ZEB1: variants seen among roughly 807,000 people sequenced by gnomAD.
The protein encoded by ZEB1 is zinc finger E-box-binding homeobox 1.
ZEB1 carries 21 observed loss-of-function variants against 84.9 expected under a neutral mutation model. The observed-to-expected ratio is 0.25, with a 90% CI of 0.18 to 0.36. The LOEUF is 0.36. Among genes scored for constraint, ZEB1 ranks in the 10% least tolerant of loss-of-function variants. ZEB1 has a pLI of 1.00. For synonymous variants in ZEB1, 420 were observed against 471.1 expected (o/e 0.89, Z 1.41); for missense variants, 1,104 against 1,330.2 (o/e 0.83, Z 2.65).
At chr10:31,367,404 GGTA>G (rs2134318719) in intron 1 of ZEB1, among the ~76,000 whole-genome samples, 1 of 152,238 alleles carries the variant, frequency 6.6e-6, no homozygotes, top group South Asian at 2.1e-4. Flanking sequence ...TGAAGGTGGT[GGTA>G]GTAGTGATAA....
At chr10:31,339,413 G>C (rs1275483120) in intron 1 of ZEB1, among the ~76,000 whole-genome samples, 3 of 152,104 alleles carry the variant, frequency 2.0e-5, no homozygotes, top group African/African-American at 7.2e-5. Context: ...ATATTGTAAG[G>C]ACTTATTTAC....
chr10:31,507,759 C>T (rs1350608931), intron 4 of ZEB1, among the ~76,000 whole-genome samples: 1 of 151,784 alleles, frequency 6.6e-6, no homozygotes, highest in African/African-American at 2.4e-5. Context: ...TGTTGCTTTT[C>T]TGTTTTCTTC....
chr10:31,420,742 C>G (rs1187417716), intron 1 of ZEB1, among the ~76,000 whole-genome samples: 1 of 152,142 alleles, frequency 6.6e-6, no homozygotes, highest in Non-Finnish European at 1.5e-5. Flanking sequence ...GACCATGGAT[C>G]ATTGGAGGTC....
rs759430358 is a variant in ZEB1 at position 31,526,928 on chromosome 10, C to G, written c.3042C>G (p.Ala1014=). Residue 1014 remains alanine, a synonymous_variant, in exon 9 of 9, where the codon GCC becomes GCG. Coordinates refer to ENST00000424869, the MANE Select transcript of ZEB1 (RefSeq NM_001174096.2). ...TCCTCTCGAATGAGCACGTGGGTGC[C>G]AGGGCGTCTCCCTCACAGGGCGACT... is the stretch of plus-strand genomic sequence containing the variant. ...PEILSNEHVG[A]RASPSQGDSD... 1.2e-6 allele frequency: 2 copies of G among 1,614,048 alleles called. No individual in the cohort carries two copies. The highest frequency in any genetic ancestry group is 1.7e-5 in the Admixed American group (1 of 60,006).
At chr10:31,477,635 T>C (rs1019658548) in intron 2 of ZEB1, among the ~76,000 whole-genome samples, 1 of 151,952 alleles carries the variant, frequency 6.6e-6, no homozygotes, top group African/African-American at 2.4e-5. Flanking sequence ...AGCATGTTAC[T>C]GATATCGTGA....
chr10:31,453,650 A>G (rs2060857927), intron 1 of ZEB1, among the ~76,000 whole-genome samples: 2 of 152,162 alleles, frequency 1.3e-5, no homozygotes, highest in African/African-American at 4.8e-5. Flanking sequence ...TAAACTAGAA[A>G]ATCTGGAAGA....
intron 1 of ZEB1, among the ~76,000 whole-genome samples, chr10:31,412,775 C>G (rs2135834264): frequency 6.6e-6 from 1 of 152,276 alleles, no homozygotes; most frequent in Middle Eastern, 3.4e-3. Flanking sequence ...CAGAAAGTTT[C>G]TCCTGGATGT....
intron 1 of ZEB1, among the ~76,000 whole-genome samples, chr10:31,344,286 A>G (rs990801707): frequency 1.1e-4 from 17 of 152,060 alleles, no homozygotes; most frequent in Admixed American, 5.9e-4. Flanking sequence ...TAAGTTTTTC[A>G]TATGTTCATG....
chr10:31,405,711 T>A (rs2052867838), intron 1 of ZEB1, among the ~76,000 whole-genome samples: 1 of 149,614 alleles, frequency 6.7e-6, no homozygotes, highest in South Asian at 2.1e-4. Context: ...CCTAGGCTCT[T>A]TTTTTTTTTA....
Position 31,433,115 on chromosome 10 carries a change from C to G in ZEB1, c.59-27922C>G, listed in dbSNP as rs78852117. 5.1e-3 allele frequency among the ~76,000 whole-genome samples: 779 copies of G among 152,278 alleles called. 9 individuals carry two copies. Among genetic ancestry groups the G allele is most frequent in the African/African-American group, 0.016 (685 of 41,548 alleles). On this transcript the variant is annotated intron_variant, in intron 1 of 8. Coordinates refer to ENST00000424869, the MANE Select transcript of ZEB1 (RefSeq NM_001174096.2). ...ACCATATCAATGAATTTTATAGTTA[C>G]ATTAAAAAATCACTGCTCTCTTGAA...
intron 1 of ZEB1, among the ~76,000 whole-genome samples, chr10:31,375,987 T>A (rs1261596258): frequency 2.6e-5 from 4 of 151,680 alleles, no homozygotes; most frequent in Non-Finnish European, 4.4e-5. Context: ...TCTCGTAAAA[T>A]CATCATATTG....
At chr10:31,412,059 A>C (rs1342452888) in intron 1 of ZEB1, among the ~76,000 whole-genome samples, 1 of 152,232 alleles carries the variant, frequency 6.6e-6, no homozygotes, top group Non-Finnish European at 1.5e-5. Context: ...TGTAAAAAGG[A>C]TGCAGAGAAA....
intron 8 of ZEB1, among the ~76,000 whole-genome samples, chr10:31,526,431 A>G (rs918309340): frequency 1.2e-4 from 18 of 152,110 alleles, no homozygotes; most frequent in South Asian, 6.2e-4. Context: ...TGGCATTTCA[A>G]TGTCATGTAG....
chr10:31,479,503 A>C (rs72807306), intron 2 of ZEB1, among the ~76,000 whole-genome samples: 3,750 of 152,038 alleles, frequency 0.025, 62 homozygotes, highest in Middle Eastern at 0.041. Context: ...CCTCAACAAG[A>C]TAATAGCAAA....
intron 1 of ZEB1, among the ~76,000 whole-genome samples, chr10:31,338,871 TATTTATACATCATAAATGATGTATAAATC>T (rs976441150): frequency 3.3e-5 from 5 of 152,186 alleles, no homozygotes; most frequent in South Asian, 2.1e-4. Flanking sequence ...ATAAATTTGA[TATTTATACATCATAAATGATGTATAAATC>T]ATTTATGGGA....
chr10:31,353,213 C>G (rs1047848519), intron 1 of ZEB1, among the ~76,000 whole-genome samples: 11 of 152,196 alleles, frequency 7.2e-5, no homozygotes, highest in Admixed American at 6.5e-5. Context: ...CATCCTGTTT[C>G]TTTTCCCATG....
chr10:31,403,935 A>T (rs1402791713), intron 1 of ZEB1, among the ~76,000 whole-genome samples: 1 of 152,126 alleles, frequency 6.6e-6, no homozygotes, highest in Non-Finnish European at 1.5e-5. Flanking sequence ...TTTAAAACAG[A>T]TGCAGAAAAT....
At chr10:31,394,237 G>A (rs1043290315) in intron 1 of ZEB1, among the ~76,000 whole-genome samples, 10 of 152,146 alleles carry the variant, frequency 6.6e-5, no homozygotes, top group African/African-American at 2.4e-4. Flanking sequence ...CATAAAGGAA[G>A]AAGAACAAAA....
intron 1 of ZEB1, chr10:31,358,235 G>A (rs1045796494): frequency 6.6e-6 from 1 of 152,202 alleles, no homozygotes; most frequent in Non-Finnish European, 1.5e-5. Flanking sequence ...GAAGAAGGAA[G>A]CGTTGGATAG....
Sources: allele counts gnomAD v4.1 joint callset (sites outside exome capture counted in the v4.1 genomes callset), GRCh38; gene constraint gnomAD v4.1.1; transcripts MANE v1.5; gene names NCBI Gene and HGNC (gene_info 2026-07-23, HGNC 2026-07-21).